The following DCLK2 variants were observed in gnomAD, a reference collection of about 807,000 sequenced individuals.
DCLK2 encodes serine/threonine-protein kinase DCLK2.
In DCLK2, 31 loss-of-function variants were observed where a neutral mutation model predicts 78.4. That is an observed-to-expected ratio of 0.40 (90% CI 0.30 to 0.53). The LOEUF is 0.53. Among genes scored for constraint, DCLK2 ranks in the 20% least tolerant of loss-of-function variants. The pLI, the probability that DCLK2 is intolerant of heterozygous loss-of-function variation, is 0.61. For synonymous variants in DCLK2, 407 were observed against 374.9 expected, an observed-to-expected ratio of 1.09 and a Z score of -0.99; for missense variants, 872 against 973.7, an observed-to-expected ratio of 0.90 and a Z score of 1.39.
chr4:150,181,936 T>C (rs1453174811), intron 2 of DCLK2, among the ~76,000 whole-genome samples: 1 of 152,214 alleles, frequency 6.6e-6, no homozygotes, highest in African/African-American at 2.4e-5. Flanking sequence ...AGCCTCTGCT[T>C]ACTGACCTGT....
intron 7 of DCLK2, 67 bp downstream of exon 7, chr4:150,221,852 C>T: frequency 2.0e-6 from 2 of 1,024,238 alleles, no homozygotes; most frequent in South Asian, 3.4e-5. Context: ...GTATCATCTA[C>T]AGATACAGTT....
intron 3 of DCLK2, among the ~76,000 whole-genome samples, chr4:150,194,022 GACACACACAC>G (rs58179559): frequency 0.026 from 3,439 of 133,830 alleles, 71 homozygotes; most frequent in Non-Finnish European, 0.035. Flanking sequence ...AAAGTGCTGG[GACACACACAC>G]ACACACACAC....
At chr4:150,197,479 C>T (rs1739133720) in intron 3 of DCLK2, among the ~76,000 whole-genome samples, 2 of 152,142 alleles carry the variant, frequency 1.3e-5, no homozygotes, top group South Asian at 2.1e-4. Flanking sequence ...CTTGGCTGGG[C>T]GTGGTGGCTC....
chr4:150,185,713 CAAA>C (rs10706869), intron 2 of DCLK2, among the ~76,000 whole-genome samples: 42 of 141,358 alleles, frequency 3.0e-4, no homozygotes, highest in African/African-American at 1.0e-3. Flanking sequence ...GATTTCATCT[CAAA>C]AAAAAAAAAA....
At chr4:150,103,867 A>ATATAG (rs5862905) in intron 2 of DCLK2, among the ~76,000 whole-genome samples, 20,737 of 152,158 alleles carry the variant, frequency 0.14, 1,792 homozygotes, top group Non-Finnish European at 0.19. Context: ...TTAATAAGGT[A>ATATAG]TATAGTACCT....
chr4:150,123,845 C>T (rs932770865), intron 2 of DCLK2, among the ~76,000 whole-genome samples: 1 of 152,020 alleles, frequency 6.6e-6, no homozygotes, highest in African/African-American at 2.4e-5. Context: ...AGTTCAAGAC[C>T]AGCTTGGGCA....
intron 2 of DCLK2, among the ~76,000 whole-genome samples, chr4:150,157,748 A>G (rs1482120487): frequency 6.6e-6 from 1 of 152,056 alleles, no homozygotes; most frequent in East Asian, 1.9e-4. Context: ...TCTGACCTCA[A>G]GTGATCCGCC....
chr4:150,233,244 G>A (rs556412192), intron 10 of DCLK2, among the ~76,000 whole-genome samples: 254 of 152,154 alleles, frequency 1.7e-3, no homozygotes, highest in African/African-American at 6.0e-3. Context: ...TTAAACCATC[G>A]TATGTTATGA....
chr4:150,079,563 T>C, intron 1 of DCLK2, 115 bp downstream of exon 1: 1 of 1,029,824 alleles, frequency 9.7e-7, no homozygotes, highest in African/African-American at 1.7e-5. Context: ...CGGGAATTGA[T>C]GCTTCTGTCT....
At chr4:150,183,743 T>C (rs1737702149) in intron 2 of DCLK2, among the ~76,000 whole-genome samples, 2 of 151,804 alleles carry the variant, frequency 1.3e-5, no homozygotes, top group African/African-American at 2.4e-5. Context: ...TTTTCTTTTT[T>C]TTTTTTTGGA....
chr4:150,107,378 G>GGT lies in DCLK2; in HGVS notation c.756+4566_756+4567insGT, dbSNP rs535824608. 5.0e-4 allele frequency among the ~76,000 whole-genome samples: 62 copies of GGT among 125,186 alleles called. 1 individual carries two copies. Among genetic ancestry groups the GGT allele is most frequent in the Middle Eastern group, 4.1e-3 (1 of 246 alleles). 82.1% of individuals were successfully genotyped at this position (125,186 alleles called of 152,430 possible). A position where few individuals can be genotyped will look rare whatever the true frequency, so the allele number is the denominator to read the frequency against. On this transcript the variant is annotated intron_variant, in intron 2 of 15. Transcript: ENST00000296550. ...GGTTTGTAGGGTTTTTTTGGTTATTGTTTTTTTTTTTTTTTTTGGAGACAG... is the reference window on the plus strand; with the variant it reads ...GGTTTGTAGGGTTTTTTTGGTTATTGGTTTTTTTTTTTTTTTTTTGGAGACAG...
chr4:150,196,961 C>T (rs2126413486), intron 3 of DCLK2, among the ~76,000 whole-genome samples: 1 of 152,238 alleles, frequency 6.6e-6, no homozygotes. Context: ...CGAGACCAGC[C>T]TGGTCAACAT....
chr4:150,092,092 C>T (rs553529907), intron 1 of DCLK2, among the ~76,000 whole-genome samples: 3 of 152,104 alleles, frequency 2.0e-5, no homozygotes, highest in African/African-American at 4.8e-5. Context: ...TTTCATTTAA[C>T]ATAATGTCCC....
At chr4:150,226,391 C>T (rs1255218705) in intron 8 of DCLK2, among the ~76,000 whole-genome samples, 15 of 151,766 alleles carry the variant, frequency 9.9e-5, no homozygotes, top group Non-Finnish European at 1.8e-4. Context: ...TAATGTTTTT[C>T]ACTGTAATAG....
intron 8 of DCLK2, among the ~76,000 whole-genome samples, chr4:150,224,837 G>A (rs1741476210): frequency 6.6e-6 from 1 of 152,158 alleles, no homozygotes; most frequent in Non-Finnish European, 1.5e-5. Flanking sequence ...CTCAAAAGGT[G>A]CGTCAAGAAC....
intron 2 of DCLK2, among the ~76,000 whole-genome samples, chr4:150,185,945 T>G (rs1047883474): frequency 2.6e-5 from 4 of 152,178 alleles, no homozygotes; most frequent in Non-Finnish European, 5.9e-5. Context: ...AAAACTTAGA[T>G]GGACTCCTGT....
rs1729050052 is a variant in DCLK2 at position 150,079,211 on chromosome 4, C to T, written c.184C>T (p.Leu62=). 1 of 1,611,862 alleles carries T rather than the reference C, an allele frequency of 6.2e-7. No homozygotes were observed. The stretch of plus-strand genomic sequence containing the variant: ...CTGCAGCTTCTACCGCACGCGGACC[C>T]TGCAGGCCCTCAGCTCGGAGAAGAA... ...AHCSFYRTRT[L]QALSSEKKAK... Residue 62 remains leucine (L), a synonymous_variant, in exon 1 of 16, where the codon CTG becomes TTG. Coordinates refer to ENST00000296550, the MANE Select transcript of DCLK2 (RefSeq NM_001040260.4).
In DCLK2 at chr4:150,249,751, C is replaced by A. The variant is rs896838256; in HGVS notation, c.2073+67C>A. On this transcript the variant is annotated intron_variant, in intron 15 of 15. Coordinates refer to ENST00000296550, the MANE Select transcript of DCLK2 (RefSeq NM_001040260.4). ...CCTTGAAGTTTTTGAATTAGGTAGC[C>A]GGGAGCTGCCCTCACATGGAAGTTG... 3.4e-5 allele frequency: 44 copies of A among 1,282,942 alleles called. No individual in the cohort carries two copies. The African/African-American group carries it at 5.7e-4, about 17-fold the overall frequency. The allele number at this position is 1,282,942 out of a possible 1,614,324, so 79.5% of individuals were successfully genotyped here.
At chr4:150,190,391 A>G (rs1390402819) in intron 2 of DCLK2, among the ~76,000 whole-genome samples, 2 of 152,164 alleles carry the variant, frequency 1.3e-5, no homozygotes, top group African/African-American at 2.4e-5. Context: ...CTCTGAAGCT[A>G]AAAATAACCC....
Sources: allele counts gnomAD v4.1 joint callset (sites outside exome capture counted in the v4.1 genomes callset), GRCh38; gene constraint gnomAD v4.1.1; transcripts MANE v1.5; gene names NCBI Gene and HGNC (gene_info 2026-07-23, HGNC 2026-07-21).